CCBE1: variants seen among roughly 807,000 people sequenced by gnomAD.
CCBE1 encodes the protein collagen and calcium-binding EGF domain-containing protein 1.
CCBE1 carries 37 observed loss-of-function variants against 50.0 expected under a neutral mutation model. That is an observed-to-expected ratio of 0.74 (90% CI 0.57 to 0.97). The LOEUF (loss-of-function observed/expected upper bound fraction) is 0.97, where lower values mean the gene tolerates loss of function less well. CCBE1 is among the 50% of genes least tolerant of loss of function. The probability of loss-of-function intolerance (pLI) is 0.00; values close to 1 mark genes in which losing one functional copy is unlikely to be tolerated. For synonymous variants in CCBE1, 234 were observed against 203.7 expected (o/e 1.15, Z -1.27); for missense variants, 538 against 523.8 (o/e 1.03, Z -0.26).
chr18:59,562,703 T>A lies in CCBE1; in HGVS notation c.213-82465A>T, dbSNP rs531749573. Among the ~76,000 whole-genome samples, 4 of 152,342 alleles carry A rather than the reference T, an allele frequency of 2.6e-5. No individual in the cohort carries two copies. The East Asian group carries it at 7.7e-4, about 29-fold the overall frequency. On this transcript the variant is annotated intron_variant, in intron 2 of 10. Coordinates refer to ENST00000439986, the MANE Select transcript of CCBE1 (RefSeq NM_133459.4). ...TCCTAGTTCTGGCTGGGGTCAAGAC[T>A]ACCTCATGAACTACTGGCACACCCC...
At chr18:59,445,046 G>T (rs1046813733) in intron 7 of CCBE1, among the ~76,000 whole-genome samples, 1 of 151,908 alleles carries the variant, frequency 6.6e-6, no homozygotes, top group Non-Finnish European at 1.5e-5. Flanking sequence ...TAAGTTTGAT[G>T]TAGTCCCATT....
At chr18:59,691,698 C>A (rs1353568636) in intron 2 of CCBE1, among the ~76,000 whole-genome samples, 4 of 152,188 alleles carry the variant, frequency 2.6e-5, no homozygotes, top group African/African-American at 9.7e-5. Flanking sequence ...GCCACCGCGC[C>A]CAGCTAGAGT....
In CCBE1 at chr18:59,539,194, C is replaced by CAA. The variant is rs34047100; in HGVS notation, c.213-58957_213-58956insTT. ...CTGCTATATTTAAAAAACACACACACACACACAAAAAACAAAAAAAAACAG... is the reference window on the plus strand; with the variant it reads ...CTGCTATATTTAAAAAACACACACACAAACACACAAAAAACAAAAAAAAACAG... On this transcript the variant is annotated intron_variant, in intron 2 of 10. Coordinates refer to ENST00000439986, the MANE Select transcript of CCBE1 (RefSeq NM_133459.4). Among the ~76,000 whole-genome samples the CAA allele has an allele frequency of 2.8e-3, 388 of 137,620 alleles. 4 individuals are homozygous for CAA. The highest frequency in any genetic ancestry group is 8.9e-3 in the African/African-American group (333 of 37,474). The allele number at this position is 137,620 out of a possible 152,430, so 90.3% of individuals were successfully genotyped here. A position where few individuals can be genotyped will look rare whatever the true frequency, so the allele number is the denominator to read the frequency against.
chr18:59,448,000 C>T lies in CCBE1; in HGVS notation c.758G>A (p.Gly253Glu). ...ACACTCACCGGGAGGGCCCTGGCCC[C>T]CAGGCAGGCCAGGAGGTCCTGGAAG... ...TYLPGPPGLP[G>E]GQGPPGSPGP... Residue 253 changes from glycine (G) to glutamate (E), a missense_variant, in exon 7 of 11, where the codon GGG (glycine) becomes GAG (glutamate). Physicochemically the swap from Gly to Glu is moderately conservative, Grantham distance 98. Transcript: ENST00000439986. The T allele has an allele frequency of 6.2e-7, 1 of 1,614,206 alleles. No individual in the cohort carries two copies. Among genetic ancestry groups the T allele is most frequent in the Non-Finnish European group, 8.5e-7 (1 of 1,180,038 alleles).
At chr18:59,529,010 G>A (rs537716224) in intron 2 of CCBE1, among the ~76,000 whole-genome samples, 8 of 152,346 alleles carry the variant, frequency 5.3e-5, no homozygotes, top group South Asian at 4.1e-4. Context: ...GGTGTGCTGC[G>A]CTGAAGGAAA....
chr18:59,560,966 G>A (rs2052728222), intron 2 of CCBE1, among the ~76,000 whole-genome samples: 1 of 152,354 alleles, frequency 6.6e-6, no homozygotes, highest in African/African-American at 2.4e-5. Flanking sequence ...TGGGGCCTAA[G>A]GCACTCCTAG....
chr18:59,460,323 A>T (rs1911400670), intron 5 of CCBE1, among the ~76,000 whole-genome samples: 2 of 152,176 alleles, frequency 1.3e-5, no homozygotes, highest in Admixed American at 6.5e-5. Context: ...CAGGCATTAG[A>T]TATGCAAAGT....
chr18:59,635,500 A>T (rs180676433), intron 2 of CCBE1, among the ~76,000 whole-genome samples: 87 of 152,324 alleles, frequency 5.7e-4, no homozygotes, highest in African/African-American at 2.1e-3. Context: ...TAAAAAATCT[A>T]ATTTCCGGGA....
intron 2 of CCBE1, among the ~76,000 whole-genome samples, chr18:59,518,355 G>A (rs1160807252): frequency 3.3e-5 from 5 of 152,124 alleles, no homozygotes; most frequent in Non-Finnish European, 5.9e-5. Flanking sequence ...CGGGTGTGAC[G>A]ACGCACGTGC....
At chr18:59,496,898 C>T (rs187232441) in intron 2 of CCBE1, among the ~76,000 whole-genome samples, 7 of 152,292 alleles carry the variant, frequency 4.6e-5, no homozygotes, top group Non-Finnish European at 5.9e-5. Flanking sequence ...TGGTTATAGG[C>T]AGCTGTTTTA....
chr18:59,695,984 G>A (rs1055112458), intron 2 of CCBE1, among the ~76,000 whole-genome samples: 1 of 152,166 alleles, frequency 6.6e-6, no homozygotes, highest in Admixed American at 6.5e-5. Context: ...TCAGAGACAA[G>A]AACCACCTGG....
At chr18:59,685,356 A>G (rs892928120) in intron 2 of CCBE1, among the ~76,000 whole-genome samples, 10 of 152,146 alleles carry the variant, frequency 6.6e-5, no homozygotes, top group African/African-American at 2.4e-4. Context: ...ACAGAATGGA[A>G]AGGGTCTAAC....
At chr18:59,669,998 A>C (rs1429574) in intron 2 of CCBE1, among the ~76,000 whole-genome samples, 66,763 of 152,014 alleles carry the variant, frequency 0.44, 16,164 homozygotes, top group African/African-American at 0.65. Context: ...ACAGTGACTT[A>C]AGATAGATGT....
At chr18:59,551,370 G>A (rs866698452) in intron 2 of CCBE1, among the ~76,000 whole-genome samples, 18 of 152,166 alleles carry the variant, frequency 1.2e-4, no homozygotes, top group South Asian at 4.1e-4. Flanking sequence ...CTGCAGAACC[G>A]GAAGAATCTC....
intron 5 of CCBE1, chr18:59,459,081 A>G (rs1911340560): frequency 6.6e-6 from 1 of 152,242 alleles, no homozygotes; most frequent in African/African-American, 2.4e-5. Flanking sequence ...GGAGCCAGTG[A>G]TAAGATATGT....
At chr18:59,452,053 T>C (rs1346687119) in intron 6 of CCBE1, among the ~76,000 whole-genome samples, 2 of 152,216 alleles carry the variant, frequency 1.3e-5, no homozygotes, top group East Asian at 3.9e-4. Flanking sequence ...ATAGGTCCTT[T>C]AAGTTTCCTG....
chr18:59,631,473 G>A (rs899331999), intron 2 of CCBE1, among the ~76,000 whole-genome samples: 2 of 152,100 alleles, frequency 1.3e-5, no homozygotes, highest in South Asian at 2.1e-4. Flanking sequence ...ATAGTATTGG[G>A]ATCAATGGAA....
At chr18:59,604,768 C>T (rs765324705) in intron 2 of CCBE1, among the ~76,000 whole-genome samples, 1 of 152,198 alleles carries the variant, frequency 6.6e-6, no homozygotes, top group African/African-American at 2.4e-5. Flanking sequence ...CTTCTCAAAA[C>T]CTGAAATGTA....
chr18:59,576,653 G>A (rs933733411), intron 2 of CCBE1, among the ~76,000 whole-genome samples: 5 of 152,136 alleles, frequency 3.3e-5, no homozygotes, highest in African/African-American at 1.2e-4. Context: ...AGCTGTGAGT[G>A]AGGCTTGCAT....
Sources: gnomAD v4.1 joint callset for allele counts (sites outside exome capture counted in the v4.1 genomes callset) on GRCh38, gnomAD v4.1.1 for gene constraint, MANE v1.5 for transcripts, NCBI Gene and HGNC (gene_info 2026-07-23, HGNC 2026-07-21) for gene names.